ME1: variants seen among roughly 807,000 people sequenced by gnomAD.
The protein encoded by ME1 is malic enzyme 1.
Under a neutral mutation model 66.4 loss-of-function variants are expected in ME1, and 74 were observed. The observed-to-expected ratio is 1.11, with a 90% confidence interval of 0.92 to 1.35. The LOEUF is 1.35. ME1 is among the 40% of genes most tolerant of loss of function. ME1 has a pLI of 0.00. For synonymous variants in ME1, 251 were observed against 235.6 expected, an observed-to-expected ratio of 1.07 and a Z score of -0.60; for missense variants, 750 against 694.1, an observed-to-expected ratio of 1.08 and a Z score of -0.90.
intron 6 of ME1, among the ~76,000 whole-genome samples, chr6:83,296,975 G>A (rs561331973): frequency 1.3e-5 from 2 of 152,258 alleles, no homozygotes; most frequent in East Asian, 3.9e-4. Context: ...TGATACCTGT[G>A]ATCATTATGA....
rs1337945955 is a variant in ME1, at chr6:83,357,931, CTCTCTATATATATATATATATATATA to C, written c.363-5818_363-5793del. ...TCTCTCTCTCTCTCTCTCTCTCTCT[CTCTCTATATATATATATATATATATA>C]TATATATATATATATATTTCATTAG... On this transcript the variant is annotated intron_variant, in intron 3 of 13. Transcript: ENST00000369705. 2.0e-3 allele frequency among the ~76,000 whole-genome samples: 104 copies of C among 51,756 alleles called. 1 individual carries two copies. Among genetic ancestry groups the C allele is most frequent in the African/African-American group, 5.8e-3 (90 of 15,444 alleles). 34.0% of individuals were successfully genotyped at this position (51,756 alleles called of 152,430 possible).
rs986454105 is a variant in ME1, at chr6:83,357,906, T to C, written c.363-5767A>G. Among the ~76,000 whole-genome samples, 208 of 29,726 alleles carry C rather than the reference T, an allele frequency of 7.0e-3. 4 individuals are homozygous for C. Among genetic ancestry groups the C allele is most frequent in the East Asian group, 0.048 (38 of 786 alleles). The allele number at this position is 29,726 out of a possible 152,430, so 19.5% of individuals were successfully genotyped here. ...AGTTAATACTTAATAAACTCCCCTC[T>C]CTCTCTCTCTCTCTCTCTCTCTCTC... On this transcript the variant is annotated intron_variant, in intron 3 of 13. Transcript: ENST00000369705.
chr6:83,393,048 G>C, intron 3 of ME1: 1 of 1,357,314 alleles, frequency 7.4e-7, no homozygotes, highest in South Asian at 1.2e-5. Flanking sequence ...TGCTGCCAAG[G>C]CTGTGAGGAA....
At chr6:83,235,900 TA>T (rs1175632806) in intron 9 of ME1, among the ~76,000 whole-genome samples, 3 of 152,072 alleles carry the variant, frequency 2.0e-5, no homozygotes, top group African/African-American at 7.2e-5. Context: ...ATATTAATTT[TA>T]AAAAACAAAT....
At position 83,407,803 on chromosome 6, in the gene ME1, T is replaced by C; in HGVS notation, c.177A>G (p.Val59=). 1 of 1,609,106 alleles carries C rather than the reference T, an allele frequency of 6.2e-7. No homozygotes were observed. The highest frequency in any genetic ancestry group is 8.5e-7 in the Non-Finnish European group (1 of 1,178,854). ...NSQEIQVLRV[V]KNFEHLNSDF... is the part of the protein sequence containing the mutation. ...CAGAGTTCAGATGCTCGAAATTTTT[T>C]ACTACTCTAAGAACCTGGATCTCCT... The change falls in exon 2 of 14, where the codon GTA becomes GTG. Residue 59 remains valine (V), a synonymous_variant. Coordinates refer to ENST00000369705, the MANE Select transcript of ME1 (RefSeq NM_002395.6).
At chr6:83,307,495 A>C (rs1767848398) in intron 6 of ME1, among the ~76,000 whole-genome samples, 1 of 152,118 alleles carries the variant, frequency 6.6e-6, no homozygotes, top group African/African-American at 2.4e-5. Context: ...CCATATAATC[A>C]TATGCTTTCA....
intron 3 of ME1, among the ~76,000 whole-genome samples, chr6:83,374,422 TC>T (rs1769249143): frequency 6.6e-6 from 1 of 152,214 alleles, no homozygotes; most frequent in African/African-American, 2.4e-5. Flanking sequence ...TCTGTTCACG[TC>T]CTTTGCCCAC....
At chr6:83,415,141 T>G (rs1242803292) in intron 1 of ME1, among the ~76,000 whole-genome samples, 1 of 152,238 alleles carries the variant, frequency 6.6e-6, no homozygotes, top group East Asian at 1.9e-4. Context: ...TAGTGATTAC[T>G]CATATAATGA....
rs186208779 is a variant in ME1, at chr6:83,364,649, C to G, written c.363-12510G>C. Among the ~76,000 whole-genome samples, 5 of 152,192 alleles carry G rather than the reference C, an allele frequency of 3.3e-5. No individual in the cohort carries two copies. The East Asian group carries it at 9.7e-4, about 29-fold the overall frequency. On this transcript the variant is annotated intron_variant, in intron 3 of 13. Coordinates refer to ENST00000369705, the MANE Select transcript of ME1 (RefSeq NM_002395.6). ...TTCCAGGCCAACCCAATGGACAGAG[C>G]TAGAGACTATATATAGGTACATATA...
At chr6:83,313,011 C>T (rs576929790) in intron 6 of ME1, among the ~76,000 whole-genome samples, 13 of 152,284 alleles carry the variant, frequency 8.5e-5, no homozygotes, top group African/African-American at 3.1e-4. Context: ...CTTGCCTCGG[C>T]CTTCCAAAGT....
intron 1 of ME1, among the ~76,000 whole-genome samples, chr6:83,415,858 T>A (rs1254578688): frequency 6.6e-6 from 1 of 152,182 alleles, no homozygotes; most frequent in African/African-American, 2.4e-5. Context: ...ACTTTCATCT[T>A]GACCAGGTTT....
At chr6:83,356,719 T>C (rs1346557911) in intron 3 of ME1, among the ~76,000 whole-genome samples, 1 of 151,260 alleles carries the variant, frequency 6.6e-6, no homozygotes, top group Non-Finnish European at 1.5e-5. Flanking sequence ...ATTCTTTGAA[T>C]TCTTCTTTGA....
chr6:83,315,463 T>C (rs1164205649), intron 5 of ME1, 50 bp from the exon 6 acceptor site: 4 of 1,062,666 alleles, frequency 3.8e-6, no homozygotes, highest in Non-Finnish European at 5.7e-6. Context: ...ACCAAATCAT[T>C]TATTGAGCCT....
chr6:83,322,404 T>C (rs1345071568), intron 5 of ME1, among the ~76,000 whole-genome samples: 1 of 152,112 alleles, frequency 6.6e-6, no homozygotes, highest in East Asian at 1.9e-4. Context: ...GCTAAGAACC[T>C]TGATAAAAGG....
chr6:83,291,831 T>C (rs1767509222), intron 6 of ME1, among the ~76,000 whole-genome samples: 1 of 152,154 alleles, frequency 6.6e-6, no homozygotes. Context: ...TTCACTCTTT[T>C]TTCTCTAATC....
chr6:83,399,994 C>A (rs146177357), intron 2 of ME1, among the ~76,000 whole-genome samples: 1 of 152,220 alleles, frequency 6.6e-6, no homozygotes, highest in Non-Finnish European at 1.5e-5. Context: ...TCTTACCTAT[C>A]AGAATATTTG....
intron 6 of ME1, among the ~76,000 whole-genome samples, chr6:83,272,469 G>A (rs1767100978): frequency 6.6e-6 from 1 of 151,860 alleles, no homozygotes; most frequent in African/African-American, 2.4e-5. Flanking sequence ...TTAAAATTGA[G>A]GTATATAATA....
intron 7 of ME1, 150 bp from the exon 8 acceptor site, chr6:83,239,786 G>C: frequency 1.7e-6 from 1 of 577,234 alleles, no homozygotes. Flanking sequence ...TGCATACGTG[G>C]TAAAATTCCC....
chr6:83,375,608 T>C (rs888697276), intron 3 of ME1, among the ~76,000 whole-genome samples: 2 of 152,208 alleles, frequency 1.3e-5, no homozygotes, highest in Middle Eastern at 3.2e-3. Context: ...CTGATTGCCC[T>C]GGCCAGAACT....
Sources: allele counts gnomAD v4.1 joint callset (sites outside exome capture counted in the v4.1 genomes callset), GRCh38; gene constraint gnomAD v4.1.1; transcripts MANE v1.5; gene names NCBI Gene and HGNC (gene_info 2026-07-23, HGNC 2026-07-21).